Variants in ZCWPW2 observed in about 807,000 individuals in gnomAD.
The protein encoded by ZCWPW2 is zinc finger CW-type and PWWP domain containing 2.
A neutral mutation model predicts 46.6 loss-of-function variants in ZCWPW2; 45 were observed. That is an observed-to-expected ratio of 0.96 (90% CI 0.76 to 1.24). The LOEUF (loss-of-function observed/expected upper bound fraction) is 1.24. Ranked by LOEUF, ZCWPW2 falls within the 50% of genes most tolerant of loss-of-function variation. ZCWPW2 has a pLI of 0.00. For missense variants in ZCWPW2, 429 were observed against 403.9 expected, an observed-to-expected ratio of 1.06 and a Z score of -0.53; for synonymous variants, 152 against 137.1, an observed-to-expected ratio of 1.11 and a Z score of -0.76.
At chr3:28,417,377 T>C (rs577359111) in intron 3 of ZCWPW2, among the ~76,000 whole-genome samples, 3 of 152,060 alleles carry the variant, frequency 2.0e-5, no homozygotes, top group South Asian at 4.1e-4. Flanking sequence ...TAATTAATAG[T>C]TTAGCAACCA....
chr3:28,449,052 G>A (rs754029839), intron 4 of ZCWPW2, among the ~76,000 whole-genome samples: 53 of 152,014 alleles, frequency 3.5e-4, no homozygotes, highest in Non-Finnish European at 5.6e-4. Flanking sequence ...TAGACAAGTG[G>A]AATAGAATAG....
intron 1 of ZCWPW2, among the ~76,000 whole-genome samples, chr3:28,376,296 T>TA (rs1265903741): frequency 4.6e-5 from 7 of 152,084 alleles, no homozygotes; most frequent in Admixed American, 2.0e-4. Context: ...TAGAAACAAA[T>TA]AATGAAGAAA....
intron 1 of ZCWPW2, 130 bp from the exon 2 acceptor site, chr3:28,390,368 T>C (rs1695438200): frequency 2.9e-5 from 21 of 712,618 alleles, no homozygotes; most frequent in Non-Finnish European, 3.6e-5. Context: ...CAAAATTTCC[T>C]ACCCAAAGTT....
At chr3:28,512,661 G>A (rs1421626103) in intron 6 of ZCWPW2, among the ~76,000 whole-genome samples, 1 of 151,904 alleles carries the variant, frequency 6.6e-6, no homozygotes, top group African/African-American at 2.4e-5. Flanking sequence ...TAGATTTGGC[G>A]ATCTCATCAA....
intron 8 of ZCWPW2, 119 bp downstream of exon 8, chr3:28,515,740 T>C: frequency 1.3e-6 from 1 of 792,596 alleles, no homozygotes; most frequent in Non-Finnish European, 2.0e-6. Context: ...TGTGTGTGTG[T>C]GTGTGTATAC....
intron 6 of ZCWPW2, among the ~76,000 whole-genome samples, chr3:28,497,001 A>C (rs1392662626): frequency 6.7e-6 from 1 of 150,270 alleles, no homozygotes; most frequent in Middle Eastern, 3.3e-3. Context: ...TATATACATT[A>C]TATAATACAT....
At chr3:28,516,518 C>G in intron 8 of ZCWPW2, among the ~76,000 whole-genome samples, 1 of 151,992 alleles carries the variant, frequency 6.6e-6, no homozygotes, top group Non-Finnish European at 1.5e-5. Flanking sequence ...CAATTTCCTC[C>G]TTCTACATTT....
intron 5 of ZCWPW2, among the ~76,000 whole-genome samples, chr3:28,485,552 T>C (rs1337134606): frequency 6.6e-6 from 1 of 152,178 alleles, no homozygotes; most frequent in Non-Finnish European, 1.5e-5. Context: ...TTTTTGCCTC[T>C]CATATTTTGA....
intron 5 of ZCWPW2, among the ~76,000 whole-genome samples, chr3:28,488,233 A>G (rs1294212643): frequency 6.6e-6 from 1 of 151,988 alleles, no homozygotes; most frequent in Non-Finnish European, 1.5e-5. Flanking sequence ...CTACCCCTAT[A>G]CTAGTTTCCA....
chr3:28,414,083 T>A (rs545182253), intron 3 of ZCWPW2, among the ~76,000 whole-genome samples: 1 of 152,218 alleles, frequency 6.6e-6, no homozygotes, highest in South Asian at 2.1e-4. Flanking sequence ...TTATAACCTA[T>A]TATATTTGTT....
At chr3:28,478,154 A>G (rs1236770393) in intron 4 of ZCWPW2, 1 of 160,116 alleles carries the variant, frequency 6.2e-6, no homozygotes, top group Non-Finnish European at 1.4e-5. Context: ...TAGATAAAGA[A>G]ACTAGGGCAC....
rs569035594 is a variant in ZCWPW2 at position 28,359,572 on chromosome 3, G to A, written c.-134+10369G>A. On this transcript the variant is annotated intron_variant, in intron 1 of 9. Coordinates refer to ENST00000383768, the MANE Select transcript of ZCWPW2 (RefSeq NM_001040432.4). ...ATTAAATGAATTATCAGAATACTTC[G>A]TAATCCTGACTTTGTAAATATAAAT... Among the ~76,000 whole-genome samples the A allele has an allele frequency of 1.6e-3, 248 of 152,192 alleles. 1 individual carries two copies. Among genetic ancestry groups the A allele is most frequent in the African/African-American group, 5.5e-3 (228 of 41,558 alleles).
intron 4 of ZCWPW2, among the ~76,000 whole-genome samples, chr3:28,457,524 C>G (rs1370944519): frequency 5.9e-5 from 9 of 152,184 alleles, no homozygotes; most frequent in Admixed American, 5.9e-4. Context: ...TGAGTGCATG[C>G]TTATTCCATG....
chr3:28,349,210 G>C lies in ZCWPW2; in HGVS notation c.-134+7G>C, dbSNP rs560603628. 2.0e-5 allele frequency: 20 copies of C among 985,450 alleles called. No individual in the cohort carries two copies. The highest frequency in any genetic ancestry group is 1.0e-3 in the Middle Eastern group (2 of 1,920). 61.0% of individuals were successfully genotyped at this position (985,450 alleles called of 1,614,324 possible). ...GGAGGCGGAGTGGAGTTAGGTAAGA[G>C]CGTTACCAGCCGTCTTGTCTGTTGG... On this transcript the variant is annotated splice_region_variant and intron_variant, in intron 1 of 9. Coordinates refer to ENST00000383768, the MANE Select transcript of ZCWPW2 (RefSeq NM_001040432.4).
At chr3:28,506,531 A>T (rs1196242421) in intron 6 of ZCWPW2, among the ~76,000 whole-genome samples, 1 of 152,066 alleles carries the variant, frequency 6.6e-6, no homozygotes, top group Non-Finnish European at 1.5e-5. Context: ...AGTGGGTTGA[A>T]TAGTGGCCCC....
intron 7 of ZCWPW2, 75 bp from the exon 8 acceptor site, chr3:28,515,479 T>G: frequency 9.1e-7 from 1 of 1,104,098 alleles, no homozygotes; most frequent in Non-Finnish European, 1.3e-6. Context: ...CAGTTACCAA[T>G]GAATAGGCAC....
At chr3:28,426,017 G>C (rs966093802) in intron 3 of ZCWPW2, among the ~76,000 whole-genome samples, 2 of 152,054 alleles carry the variant, frequency 1.3e-5, no homozygotes, top group Non-Finnish European at 2.9e-5. Context: ...GCTGAGGCAG[G>C]AGAATTGCTT....
intron 8 of ZCWPW2, among the ~76,000 whole-genome samples, chr3:28,516,431 T>C (rs1335338374): frequency 6.6e-6 from 1 of 152,156 alleles, no homozygotes; most frequent in Non-Finnish European, 1.5e-5. Flanking sequence ...AGACTGGGGC[T>C]TCCAACTAAA....
intron 1 of ZCWPW2, among the ~76,000 whole-genome samples, chr3:28,368,162 T>A (rs1201340022): frequency 6.6e-6 from 1 of 152,166 alleles, no homozygotes; most frequent in Non-Finnish European, 1.5e-5. Context: ...GTTAATATTG[T>A]TATGTGTGAA....
Sources: allele counts gnomAD v4.1 joint callset (sites outside exome capture counted in the v4.1 genomes callset), GRCh38; gene constraint gnomAD v4.1.1; transcripts MANE v1.5; gene names NCBI Gene and HGNC (gene_info 2026-07-23, HGNC 2026-07-21).